Variants in KLF12 observed in about 807,000 individuals in gnomAD.
KLF12 encodes the protein Krueppel-like factor 12.
Under a neutral mutation model 37.8 loss-of-function variants are expected in KLF12, and 9 were observed. The ratio of observed to expected loss-of-function variants is 0.24; its 90% CI spans 0.14 to 0.42. KLF12 has a LOEUF of 0.42. Among genes scored for constraint, KLF12 ranks in the 10% least tolerant of loss-of-function variants. The pLI, the probability that KLF12 is intolerant of heterozygous loss-of-function variation, is 1.00. For missense variants in KLF12, 411 were observed against 516.0 expected (o/e 0.80, Z 1.97); for synonymous variants, 208 against 202.1 (o/e 1.03, Z -0.25).
chr13:74,217,333 A>T, the KLF12 span, among the ~76,000 whole-genome samples: 6 of 152,012 alleles, frequency 3.9e-5, no homozygotes, highest in Non-Finnish European at 7.4e-5. Context: ...TTTATAAAGA[A>T]ATACTTCTCT....
At chr13:74,296,946 A>C in the KLF12 span, among the ~76,000 whole-genome samples, 8 of 152,198 alleles carry the variant, frequency 5.3e-5, no homozygotes, top group Non-Finnish European at 1.0e-4. Context: ...ATTAATGACA[A>C]ATTTGTAGCT....
chr13:73,999,841 T>TC (rs1429489610), intron 1 of KLF12, among the ~76,000 whole-genome samples: 4 of 152,150 alleles, frequency 2.6e-5, no homozygotes, highest in African/African-American at 9.7e-5. Context: ...TTTCAGGAAC[T>TC]CCATCATATC....
At chr13:74,014,386 A>T (rs17291339) in intron 1 of KLF12, among the ~76,000 whole-genome samples, 2,352 of 152,344 alleles carry the variant, frequency 0.015, 26 homozygotes, top group Middle Eastern at 0.037. Context: ...AATATAAAGC[A>T]CAGTAGTTCC....
chr13:74,144,462 G>C, the KLF12 span, among the ~76,000 whole-genome samples: 1 of 152,120 alleles, frequency 6.6e-6, no homozygotes. Context: ...TATTTAAACT[G>C]CTGAGTCATT....
intron 3 of KLF12, among the ~76,000 whole-genome samples, chr13:73,932,628 T>C (rs996321627): frequency 3.9e-5 from 6 of 152,290 alleles, no homozygotes; most frequent in Non-Finnish European, 5.9e-5. Context: ...CACAGTGAAA[T>C]AGAATTTTGC....
chr13:73,940,506 T>C (rs779911948), intron 3 of KLF12, among the ~76,000 whole-genome samples: 25 of 152,224 alleles, frequency 1.6e-4, no homozygotes, highest in Non-Finnish European at 3.4e-4. Context: ...AGATGAGGAC[T>C]CCTGTCACCA....
At chr13:74,262,798 T>G in the KLF12 span, among the ~76,000 whole-genome samples, 2 of 152,090 alleles carry the variant, frequency 1.3e-5, no homozygotes, top group East Asian at 3.9e-4. Flanking sequence ...TGTCTCAGAA[T>G]AATAGTATAT....
chr13:74,174,700 CACA>C, the KLF12 span, among the ~76,000 whole-genome samples: 1 of 152,154 alleles, frequency 6.6e-6, no homozygotes, highest in Non-Finnish European at 1.5e-5. Flanking sequence ...TCAAAAAAGT[CACA>C]ACTTTCCAGC....
intron 3 of KLF12, among the ~76,000 whole-genome samples, chr13:73,939,712 T>G (rs889124932): frequency 9.2e-5 from 14 of 152,004 alleles, no homozygotes; most frequent in Admixed American, 5.9e-4. Flanking sequence ...TGAAGATGGG[T>G]GGTTAATTCC....
At chr13:74,148,097 A>T in the KLF12 span, among the ~76,000 whole-genome samples, 1 of 151,628 alleles carries the variant, frequency 6.6e-6, no homozygotes, top group African/African-American at 2.4e-5. Context: ...TTGTATTTTT[A>T]GTAGGGACGG....
intron 5 of KLF12, among the ~76,000 whole-genome samples, chr13:73,784,424 C>T (rs912736313): frequency 4.6e-5 from 7 of 152,130 alleles, no homozygotes; most frequent in Non-Finnish European, 8.8e-5. Context: ...GTATTTTTGT[C>T]GTCGTTTTCT....
At chr13:74,129,352 T>C (rs991019391) in intron 1 of KLF12, among the ~76,000 whole-genome samples, 3 of 152,222 alleles carry the variant, frequency 2.0e-5, no homozygotes, top group Non-Finnish European at 2.9e-5. Context: ...GGGCCAACTG[T>C]ATACATATAC....
chr13:74,208,446 A>G, the KLF12 span, among the ~76,000 whole-genome samples: 1 of 152,206 alleles, frequency 6.6e-6, no homozygotes, highest in African/African-American at 2.4e-5. Context: ...TGCATATTTT[A>G]AAAAACAGAT....
At chr13:73,741,960 A>G (rs1364407422) in intron 6 of KLF12, among the ~76,000 whole-genome samples, 2 of 152,148 alleles carry the variant, frequency 1.3e-5, no homozygotes, top group African/African-American at 4.8e-5. Flanking sequence ...GCATACAACA[A>G]AGATCACCAA....
chr13:73,922,362 A>T (rs1889156891), intron 3 of KLF12, among the ~76,000 whole-genome samples: 1 of 152,212 alleles, frequency 6.6e-6, no homozygotes, highest in Non-Finnish European at 1.5e-5. Context: ...ACAGGACTGA[A>T]GATGAGCTTA....
At chr13:74,116,885 A>G (rs1877336408) in intron 1 of KLF12, among the ~76,000 whole-genome samples, 1 of 152,158 alleles carries the variant, frequency 6.6e-6, no homozygotes, top group African/African-American at 2.4e-5. Flanking sequence ...ATCCCACCAT[A>G]CCAGGGAACC....
rs958622786 is a variant in KLF12 at position 73,694,068 on chromosome 13, A to T, written c.*1422T>A. Reference sequence around the variant, plus strand: ...CAATGCAGGACACCTGGGTCCTGATACAGTTTAGAAAATGAAATCGGTATA... The same window carrying T: ...CAATGCAGGACACCTGGGTCCTGATTCAGTTTAGAAAATGAAATCGGTATA... On this transcript the variant is annotated 3_prime_UTR_variant, in exon 8 of 8. Transcript: ENST00000377669. 1 of 152,590 alleles carries T rather than the reference A, an allele frequency of 6.6e-6. No individual in the cohort carries two copies. The highest frequency in any genetic ancestry group is 6.5e-5 in the Admixed American group (1 of 15,280). 9.5% of individuals were successfully genotyped at this position (152,590 alleles called of 1,614,324 possible). A position where few individuals can be genotyped will look rare whatever the true frequency, so the allele number is the denominator to read the frequency against.
the KLF12 span, among the ~76,000 whole-genome samples, chr13:74,266,594 C>T: frequency 6.6e-6 from 1 of 152,178 alleles, no homozygotes; most frequent in Non-Finnish European, 1.5e-5. Context: ...TCTCTCTCAA[C>T]CCCAGTGGCC....
intron 1 of KLF12, among the ~76,000 whole-genome samples, chr13:74,123,439 T>G (rs1055795144): frequency 1.3e-5 from 2 of 152,250 alleles, no homozygotes; most frequent in Non-Finnish European, 1.5e-5. Flanking sequence ...GGGCTTGCCT[T>G]TCGGCTTAGC....
Sources: gnomAD v4.1 joint callset for allele counts (sites outside exome capture counted in the v4.1 genomes callset) on GRCh38, gnomAD v4.1.1 for gene constraint, MANE v1.5 for transcripts, NCBI Gene and HGNC (gene_info 2026-07-23, HGNC 2026-07-21) for gene names.